The following MKNK1 variants were observed in gnomAD, a reference collection of about 807,000 sequenced individuals.
MKNK1 encodes MAP kinase-interacting serine/threonine-protein kinase 1.
MKNK1 carries 30 observed loss-of-function variants against 49.3 expected under a neutral mutation model. That is an observed-to-expected ratio of 0.61 (90% CI 0.46 to 0.83). The LOEUF (loss-of-function observed/expected upper bound fraction) is 0.83. Ranked by LOEUF, MKNK1 falls within the 40% of genes least tolerant of loss-of-function variation. MKNK1 has a pLI of 0.00. For missense variants in MKNK1, 423 were observed against 524.7 expected (o/e 0.81, Z 1.89); for synonymous variants, 176 against 201.7 (o/e 0.87, Z 1.08).
intron 1 of MKNK1, among the ~76,000 whole-genome samples, chr1:46,599,839 T>C (rs971022809): frequency 3.3e-5 from 5 of 152,216 alleles, no homozygotes; most frequent in African/African-American, 9.7e-5. Context: ...GGATTAAATA[T>C]AGTATGTAAA....
At chr1:46,581,706 T>C (rs748703361) in intron 3 of MKNK1, among the ~76,000 whole-genome samples, 8 of 152,074 alleles carry the variant, frequency 5.3e-5, no homozygotes, top group Non-Finnish European at 7.4e-5. Context: ...ATGGAAGTCA[T>C]TGGAGGCTTC....
In MKNK1 at chr1:46,562,690, C is replaced by T. The variant is rs55791614; in HGVS notation, c.763G>A (p.Asp255Asn). 6.4e-3 allele frequency: 10,026 copies of T among 1,566,258 alleles called. 47 individuals are homozygous for T. The highest frequency in any genetic ancestry group is 7.9e-3 in the Non-Finnish European group (9,101 of 1,154,530). Residue 255 changes from aspartate to asparagine, a missense_variant, in exon 10 of 13, where the codon GAC becomes AAC. Transcript: ENST00000371945. ...ACCTCGCCCCGGTCCCAGCCACAGT[C>T]GGCCCCGCAGTGACCCACGAAGGGT... is the stretch of plus-strand genomic sequence containing the variant. ...YPPFVGHCGA[D>N]CGWDRGEVCR...
chr1:46,557,416 C>T lies in MKNK1; in HGVS notation c.*1159G>A, dbSNP rs960118263. 6.6e-6 allele frequency: 1 copy of T among 152,308 alleles called. No individual in the cohort carries two copies. The highest frequency in any genetic ancestry group is 2.4e-5 in the African/African-American group (1 of 41,378). 9.4% of individuals were successfully genotyped at this position (152,308 alleles called of 1,614,324 possible). A position where few individuals can be genotyped will look rare whatever the true frequency, so the allele number is the denominator to read the frequency against. On this transcript the variant is annotated 3_prime_UTR_variant, in exon 13 of 13. Coordinates refer to ENST00000371945, the MANE Select transcript of MKNK1 (RefSeq NM_001135553.4). ...AAAAAGGACCACCAAATAGGCCACACATAGAATTTCAGTTTTATTAAAATA... is the reference window on the plus strand; with the variant it reads ...AAAAAGGACCACCAAATAGGCCACATATAGAATTTCAGTTTTATTAAAATA...
intron 6 of MKNK1, chr1:46,574,149 A>C (rs1037870294): frequency 1.3e-5 from 2 of 152,170 alleles, no homozygotes; most frequent in Non-Finnish European, 2.9e-5. Flanking sequence ...ATTTCACATG[A>C]ATTATCTCAT....
chr1:46,579,688 T>C (rs910718947), intron 4 of MKNK1, among the ~76,000 whole-genome samples: 7 of 152,278 alleles, frequency 4.6e-5, no homozygotes, highest in African/African-American at 1.7e-4. Flanking sequence ...ATGCTGAGGC[T>C]GGTCCAGGGC....
At chr1:46,575,062 T>C in intron 5 of MKNK1, 42 bp from the exon 6 acceptor site, 1 of 1,284,146 alleles carries the variant, frequency 7.8e-7, no homozygotes, top group Admixed American at 1.8e-5. Flanking sequence ...AGGGGGGAAA[T>C]GGTATTATAT....
intron 2 of MKNK1, among the ~76,000 whole-genome samples, chr1:46,591,130 C>T (rs1673274203): frequency 1.3e-5 from 2 of 152,182 alleles, no homozygotes; most frequent in African/African-American, 4.8e-5. Flanking sequence ...AAAGGGTACA[C>T]TCAAACAGAC....
chr1:46,595,600 C>T (rs1021988932), intron 1 of MKNK1, among the ~76,000 whole-genome samples: 2 of 152,222 alleles, frequency 1.3e-5, no homozygotes, highest in African/African-American at 4.8e-5. Context: ...ATCTCTTTAA[C>T]ATCCAATAAA....
At chr1:46,576,708 T>C (rs1390123695) in intron 4 of MKNK1, 54 bp from the exon 5 acceptor site, 2 of 1,484,838 alleles carry the variant, frequency 1.3e-6, no homozygotes, top group Non-Finnish European at 1.9e-6. Flanking sequence ...CAAACAGCCC[T>C]TTGGCAGGAG....
At chr1:46,579,394 C>G (rs1671434556) in intron 4 of MKNK1, among the ~76,000 whole-genome samples, 1 of 152,164 alleles carries the variant, frequency 6.6e-6, no homozygotes, top group Non-Finnish European at 1.5e-5. Flanking sequence ...ACTTTGGTGG[C>G]TATGAGACTC....
At chr1:46,572,384 T>TTTTTTTA in intron 6 of MKNK1, 1 of 396,536 alleles carries the variant, frequency 2.5e-6, no homozygotes, top group Non-Finnish European at 4.7e-6. Flanking sequence ...AGCTAATTTT[T>TTTTTTTA]GTACTTTTTT....
chr1:46,568,798 T>TGCAGA (rs1412855127), intron 7 of MKNK1: 3 of 417,854 alleles, frequency 7.2e-6, no homozygotes, highest in East Asian at 5.0e-5. Flanking sequence ...GAAGGCCTAA[T>TGCAGA]GCAGAGCAGA....
intron 4 of MKNK1, among the ~76,000 whole-genome samples, chr1:46,579,909 C>A (rs1399381764): frequency 6.6e-6 from 1 of 152,038 alleles, no homozygotes; most frequent in African/African-American, 2.4e-5. Flanking sequence ...TCTGAGACAT[C>A]ATTCAGATGT....
chr1:46,597,890 C>T (rs1674279006), intron 1 of MKNK1, among the ~76,000 whole-genome samples: 1 of 151,984 alleles, frequency 6.6e-6, no homozygotes. Context: ...GCAGAAAAAC[C>T]GAAGAGAAAG....
At chr1:46,585,953 A>G in intron 2 of MKNK1, 1 of 1,364,686 alleles carries the variant, frequency 7.3e-7, no homozygotes, top group Non-Finnish European at 9.8e-7. Context: ...TGGAAATGGA[A>G]CTTGGAGAGT....
At chr1:46,595,145 T>C in intron 1 of MKNK1, 1 of 155,766 alleles carries the variant, frequency 6.4e-6, no homozygotes, top group South Asian at 1.7e-4. Flanking sequence ...TACATAATTA[T>C]TGCTAGTTTT....
intron 4 of MKNK1, 112 bp from the exon 5 acceptor site, chr1:46,576,766 G>T: frequency 1.1e-6 from 1 of 923,558 alleles, no homozygotes; most frequent in Non-Finnish European, 1.8e-6. Flanking sequence ...CCAGTGTCCA[G>T]CAGAAGTCTG....
intron 2 of MKNK1, chr1:46,585,464 G>C (rs1226585848): frequency 5.6e-6 from 1 of 177,906 alleles, no homozygotes; most frequent in African/African-American, 2.4e-5. Flanking sequence ...GGCTGAGAAG[G>C]AGGAACCATT....
chr1:46,599,010 GT>G (rs1286686802), intron 1 of MKNK1, among the ~76,000 whole-genome samples: 2 of 152,152 alleles, frequency 1.3e-5, no homozygotes, highest in Non-Finnish European at 2.9e-5. Context: ...GTGAGCTAAT[GT>G]ATATGGAGCT....
Sources: allele counts gnomAD v4.1 joint callset (sites outside exome capture counted in the v4.1 genomes callset), GRCh38; gene constraint gnomAD v4.1.1; transcripts MANE v1.5; gene names NCBI Gene and HGNC (gene_info 2026-07-23, HGNC 2026-07-21).